FOXP2: variants seen among roughly 807,000 people sequenced by gnomAD.
The protein encoded by FOXP2 is forkhead box P2.
Under a neutral mutation model 115.8 loss-of-function variants are expected in FOXP2, and 12 were observed. The observed-to-expected ratio is 0.10, with a 90% CI of 0.07 to 0.17. The LOEUF (loss-of-function observed/expected upper bound fraction) is 0.17. FOXP2 is among the 10% of genes least tolerant of loss of function. FOXP2 has a pLI of 1.00. For missense variants in FOXP2, 629 were observed against 843.5 expected (o/e 0.75, Z 3.15); for synonymous variants, 328 against 297.7 (o/e 1.10, Z -1.05).
chr7:114,552,673 C>T (rs1406147418), intron 3 of FOXP2, among the ~76,000 whole-genome samples: 1 of 152,138 alleles, frequency 6.6e-6, no homozygotes, highest in Non-Finnish European at 1.5e-5. Context: ...GGATATAATA[C>T]AATGTCCATA....
chr7:114,297,225 C>T (rs902907588), intron 2 of FOXP2: 2 of 480,164 alleles, frequency 4.2e-6, no homozygotes, highest in African/African-American at 2.0e-5. Context: ...ACTTGAGGGC[C>T]CGTTTGTCCT....
intron 1 of FOXP2, among the ~76,000 whole-genome samples, chr7:114,247,859 T>C (rs1795329336): frequency 6.6e-6 from 1 of 151,878 alleles, no homozygotes. Context: ...TTAGTCGGGG[T>C]TCTCCAGAGA....
At chr7:114,124,149 A>G (rs1791640838) in intron 1 of FOXP2, among the ~76,000 whole-genome samples, 2 of 151,982 alleles carry the variant, frequency 1.3e-5, no homozygotes, top group Admixed American at 6.6e-5. Context: ...TTATTTGGAG[A>G]TATATTGTTT....
At chr7:114,265,945 G>A (rs1373097947) in intron 1 of FOXP2, among the ~76,000 whole-genome samples, 2 of 152,032 alleles carry the variant, frequency 1.3e-5, no homozygotes, top group African/African-American at 2.4e-5. Flanking sequence ...GGGCAATAGA[G>A]GCCCTAACCC....
chr7:114,230,775 T>C (rs1167021354), intron 1 of FOXP2, among the ~76,000 whole-genome samples: 1 of 151,986 alleles, frequency 6.6e-6, no homozygotes, highest in African/African-American at 2.4e-5. Context: ...ATACTCCATA[T>C]TGAAAAGCTA....
At chr7:114,499,907 A>C (rs1349437922) in intron 2 of FOXP2, among the ~76,000 whole-genome samples, 1 of 152,162 alleles carries the variant, frequency 6.6e-6, no homozygotes, top group Non-Finnish European at 1.5e-5. Flanking sequence ...TTTTGGGTTA[A>C]TAAAATGGAA....
chr7:114,187,670 C>T (rs1026440474), intron 1 of FOXP2, among the ~76,000 whole-genome samples: 7 of 152,182 alleles, frequency 4.6e-5, no homozygotes, highest in Non-Finnish European at 8.8e-5. Flanking sequence ...TCCAAAGTCA[C>T]GTGTACATTT....
chr7:114,602,079 A>G (rs1398808786), intron 3 of FOXP2, among the ~76,000 whole-genome samples: 2 of 152,040 alleles, frequency 1.3e-5, no homozygotes, highest in African/African-American at 4.8e-5. Context: ...ACTGAGAGTG[A>G]GGTTTTAAAA....
intron 2 of FOXP2, among the ~76,000 whole-genome samples, chr7:114,404,283 A>G (rs1267026587): frequency 2.0e-5 from 3 of 152,194 alleles, no homozygotes; most frequent in African/African-American, 7.2e-5. Flanking sequence ...GATTGAAACA[A>G]GGAAAATTAT....
rs1389240933 is a variant in FOXP2, at chr7:114,407,738, T to C, written c.-10-18764T>C. On this transcript the variant is annotated intron_variant, in intron 2 of 17. Coordinates refer to the FOXP2 transcript ENST00000634411. ...ATATTTGAACAGTTTAGGTTTTCCT[T>C]GACCTTTGTATTTATTTATAGCGTT... 3.9e-5 allele frequency among the ~76,000 whole-genome samples: 6 copies of C among 152,156 alleles called. No individual in the cohort carries two copies. The East Asian group carries it at 1.2e-3, about 29-fold the overall frequency.
intron 3 of FOXP2, among the ~76,000 whole-genome samples, chr7:114,596,898 A>G (rs1227856356): frequency 2.6e-5 from 4 of 152,130 alleles, no homozygotes; most frequent in Admixed American, 2.0e-4. Flanking sequence ...TGAATGCTAT[A>G]GTCTCAGCCC....
intron 2 of FOXP2, among the ~76,000 whole-genome samples, chr7:114,455,146 A>G (rs1224713867): frequency 6.6e-6 from 1 of 152,168 alleles, no homozygotes; most frequent in African/African-American, 2.4e-5. Context: ...TCAATGTCCA[A>G]TAAATATTTC....
chr7:114,169,559 T>TG (rs1205535957), intron 1 of FOXP2, among the ~76,000 whole-genome samples: 2 of 152,146 alleles, frequency 1.3e-5, no homozygotes, highest in South Asian at 2.1e-4. Flanking sequence ...TGCAGGTTCA[T>TG]GGGGGGAAGG....
intron 2 of FOXP2, among the ~76,000 whole-genome samples, chr7:114,509,690 A>G (rs1003574649): frequency 1.3e-5 from 2 of 151,288 alleles, no homozygotes; most frequent in African/African-American, 4.9e-5. Context: ...GCTTGTTAAT[A>G]AGGAGTTCAG....
intron 2 of FOXP2, among the ~76,000 whole-genome samples, chr7:114,290,197 T>G (rs1796559464): frequency 6.6e-6 from 1 of 151,904 alleles, no homozygotes; most frequent in East Asian, 1.9e-4. Context: ...GGTTCAAACC[T>G]CCTATTTTCA....
At chr7:114,653,657 C>G (rs148356532) in intron 9 of FOXP2, among the ~76,000 whole-genome samples, 2 of 152,100 alleles carry the variant, frequency 1.3e-5, no homozygotes, top group East Asian at 3.9e-4. Context: ...TTGTTACTGT[C>G]GAGGCAACTG....
At chr7:114,355,374 T>C (rs1406821774) in intron 2 of FOXP2, among the ~76,000 whole-genome samples, 1 of 152,138 alleles carries the variant, frequency 6.6e-6, no homozygotes, top group African/African-American at 2.4e-5. Context: ...TGGCTTAGAG[T>C]GTGTTCTATA....
intron 2 of FOXP2, among the ~76,000 whole-genome samples, chr7:114,317,657 T>C (rs1425749030): frequency 6.6e-6 from 1 of 152,208 alleles, no homozygotes; most frequent in Non-Finnish European, 1.5e-5. Context: ...AAAGAGATTC[T>C]TTTAAAATTC....
intron 2 of FOXP2, among the ~76,000 whole-genome samples, chr7:114,451,371 GCTAGTAA>G (rs1795066085): frequency 6.6e-6 from 1 of 152,104 alleles, no homozygotes; most frequent in East Asian, 1.9e-4. Flanking sequence ...TTGACCTTGG[GCTAGTAA>G]CTTATCTTCT....
Sources: allele counts gnomAD v4.1 joint callset (sites outside exome capture counted in the v4.1 genomes callset), GRCh38; gene constraint gnomAD v4.1.1; transcripts MANE v1.5; gene names NCBI Gene and HGNC (gene_info 2026-07-23, HGNC 2026-07-21).